Variants in LDAF1 observed in about 807,000 individuals in gnomAD.
LDAF1 encodes PROMETHIN.
Under a neutral mutation model 13.5 loss-of-function variants are expected in LDAF1, and 7 were observed. The ratio of observed to expected loss-of-function variants is 0.52; its 90% confidence interval spans 0.29 to 0.97. LDAF1 has a LOEUF of 0.97. Among genes scored for constraint, LDAF1 ranks in the 50% least tolerant of loss-of-function variants. LDAF1 has a pLI of 0.07. For missense variants in LDAF1, 148 were observed against 193.2 expected (o/e 0.77, Z 1.39); for synonymous variants, 69 against 77.1 (o/e 0.89, Z 0.55).
chr16:21,166,771 A>C, intron 2 of LDAF1: 1 of 1,321,228 alleles, frequency 7.6e-7, no homozygotes, highest in Non-Finnish European at 1.1e-6. Flanking sequence ...GACCTGAGAC[A>C]GCGCAAGGGA....
At position 21,168,721 on chromosome 16, in the gene LDAF1, T is replaced by A. The variant is rs1218181582; in HGVS notation, c.97-1716T>A. Among the ~76,000 whole-genome samples, 31 of 135,050 alleles carry A rather than the reference T, an allele frequency of 2.3e-4. 1 individual carries two copies. The South Asian group carries it at 3.7e-3, about 16-fold the overall frequency. 88.6% of individuals were successfully genotyped at this position (135,050 alleles called of 152,430 possible). Reference sequence around the variant, plus strand: ...TTTTTATATATAATTATATATATATTTTTAATATTATATTATATTTTTATT... The same window carrying A: ...TTTTTATATATAATTATATATATATATTTAATATTATATTATATTTTTATT... On this transcript the variant is annotated intron_variant, in intron 2 of 4. Coordinates refer to ENST00000233047, the MANE Select transcript of LDAF1 (RefSeq NM_001301771.2).
At chr16:21,175,593 G>C (rs2093131959) in intron 4 of LDAF1, among the ~76,000 whole-genome samples, 1 of 152,204 alleles carries the variant, frequency 6.6e-6, no homozygotes, top group Non-Finnish European at 1.5e-5. Flanking sequence ...AGGCAGCACA[G>C]ACCAGGAAGT....
intron 2 of LDAF1, chr16:21,167,000 CAGTG>C: frequency 9.6e-6 from 12 of 1,252,326 alleles, no homozygotes; most frequent in South Asian, 1.3e-5. Flanking sequence ...TAGCAGGAGG[CAGTG>C]AGGTCAGCGG....
At chr16:21,166,996 G>C in intron 2 of LDAF1, 2 of 1,285,394 alleles carry the variant, frequency 1.6e-6, no homozygotes, top group Non-Finnish European at 2.2e-6. Flanking sequence ...GGGGTAGCAG[G>C]AGGCAGTGAG....
At chr16:21,176,914 A>G (rs1388893764) in intron 4 of LDAF1, among the ~76,000 whole-genome samples, 1 of 151,548 alleles carries the variant, frequency 6.6e-6, no homozygotes, top group Non-Finnish European at 1.5e-5. Context: ...AAAAAAAAAA[A>G]AGAATATTAA....
intron 4 of LDAF1, among the ~76,000 whole-genome samples, chr16:21,175,480 T>C (rs2093130729): frequency 6.6e-6 from 1 of 152,220 alleles, no homozygotes; most frequent in Non-Finnish European, 1.5e-5. Context: ...ATTTAGTAAG[T>C]AATATAGTCT....
chr16:21,159,580 G>A lies in LDAF1; in HGVS notation c.-99+834G>A, dbSNP rs1285914452. 3.3e-5 allele frequency: 27 copies of A among 828,222 alleles called. No homozygotes were observed. The East Asian group carries it at 7.0e-4, about 22-fold the overall frequency. 51.3% of individuals were successfully genotyped at this position (828,222 alleles called of 1,614,324 possible). On this transcript the variant is annotated intron_variant, in intron 1 of 4. Coordinates refer to ENST00000233047, the MANE Select transcript of LDAF1 (RefSeq NM_001301771.2). ...GAAAGGGTTAGCTGGTGTTGGCCTGGCCCAGTCCCCCAGGCGTGAAGAAGG... is the reference window on the plus strand; with the variant it reads ...GAAAGGGTTAGCTGGTGTTGGCCTGACCCAGTCCCCCAGGCGTGAAGAAGG...
chr16:21,163,664 A>C (rs939323680), intron 2 of LDAF1, among the ~76,000 whole-genome samples: 3 of 152,170 alleles, frequency 2.0e-5, no homozygotes, highest in Non-Finnish European at 4.4e-5. Context: ...AAAACAAAAC[A>C]AAAAGCACTG....
chr16:21,179,311 G>A (rs2093163915), intron 4 of LDAF1, 164 bp from the exon 5 acceptor site: 2 of 979,082 alleles, frequency 2.0e-6, no homozygotes, highest in South Asian at 9.5e-5. Context: ...TTAACCTCCT[G>A]TGCCCTCAGT....
rs986023537 is a variant in LDAF1, at chr16:21,161,373, T to C, written c.96+95T>C. The C allele has an allele frequency of 7.0e-6, 10 of 1,435,872 alleles. No individual in the cohort carries two copies. The Admixed American group carries it at 1.6e-4, about 23-fold the overall frequency. 88.9% of individuals were successfully genotyped at this position (1,435,872 alleles called of 1,614,324 possible). ...ATTTCTTTCTCCAGTAGAAGGAATT[T>C]GGAGGTAAGTCAAGAATCTTTCTGG... On this transcript the variant is annotated intron_variant, in intron 2 of 4. Transcript: ENST00000233047.
At chr16:21,168,526 AATAT>A (rs998981796) in intron 2 of LDAF1, among the ~76,000 whole-genome samples, 1 of 145,222 alleles carries the variant, frequency 6.9e-6, no homozygotes, top group African/African-American at 2.5e-5. Flanking sequence ...TATAATAAAT[AATAT>A]ATAAATAATA....
rs563969776 is a variant in LDAF1, at chr16:21,170,593, A to C, written c.253A>C (p.Ile85Leu). ...LTTLAALLGV[I>L]ILEGLVISVG... ...CACCCTGGCTGCTCTGCTGGGGGTC[A>C]TAATATTGGAAGGTAGCCTGTTCCG... The change falls in exon 3 of 5, where the codon ATA (isoleucine) becomes CTA (leucine). Residue 85 changes from isoleucine (I) to leucine (L), a missense_variant. Physicochemically the swap from Ile to Leu is conservative, Grantham distance 5. Coordinates refer to ENST00000233047, the MANE Select transcript of LDAF1 (RefSeq NM_001301771.2). 6 of 1,614,040 alleles carry C rather than the reference A, an allele frequency of 3.7e-6. No homozygotes were observed. Among genetic ancestry groups the C allele is most frequent in the Non-Finnish European group, 5.1e-6 (6 of 1,180,038 alleles).
At chr16:21,167,059 G>A in intron 2 of LDAF1, 1 of 709,480 alleles carries the variant, frequency 1.4e-6, no homozygotes, top group Non-Finnish European at 2.4e-6. Context: ...AATTGGCCAT[G>A]CCTCGAGAGT....
chr16:21,166,803 G>A, intron 2 of LDAF1: 1 of 1,525,692 alleles, frequency 6.6e-7, no homozygotes, highest in Non-Finnish European at 8.8e-7. Flanking sequence ...TCTGTGTGGT[G>A]ACTCCCACGG....
At chr16:21,169,239 A>T (rs2093062922) in intron 2 of LDAF1, 1 of 814,726 alleles carries the variant, frequency 1.2e-6, no homozygotes, top group South Asian at 5.6e-5. Flanking sequence ...ATGTGTATGC[A>T]CGACACCTGG....
At chr16:21,160,729 C>T (rs2092963049) in intron 1 of LDAF1, among the ~76,000 whole-genome samples, 1 of 152,144 alleles carries the variant, frequency 6.6e-6, no homozygotes, top group Non-Finnish European at 1.5e-5. Flanking sequence ...CATCTTTTCA[C>T]ATCACTAAAC....
chr16:21,166,533 C>T (rs916485074), intron 2 of LDAF1, among the ~76,000 whole-genome samples: 29 of 152,298 alleles, frequency 1.9e-4, no homozygotes, highest in Admixed American at 3.3e-4. Flanking sequence ...GATGGACAGC[C>T]CGGGGATAAG....
chr16:21,163,633 A>C (rs980801273), intron 2 of LDAF1, among the ~76,000 whole-genome samples: 1 of 152,196 alleles, frequency 6.6e-6, no homozygotes, highest in African/African-American at 2.4e-5. Context: ...TGACAGAGCA[A>C]GACTCTATCT....
At chr16:21,166,007 G>A (rs569377936) in intron 2 of LDAF1, among the ~76,000 whole-genome samples, 4 of 151,946 alleles carry the variant, frequency 2.6e-5, no homozygotes, top group African/African-American at 4.8e-5. Flanking sequence ...TTACAGGCAC[G>A]CACCACTCTG....
Sources: allele counts gnomAD v4.1 joint callset (sites outside exome capture counted in the v4.1 genomes callset), GRCh38; gene constraint gnomAD v4.1.1; transcripts MANE v1.5; gene names NCBI Gene and HGNC (gene_info 2026-07-23, HGNC 2026-07-21).